The following CERS3 variants were observed in gnomAD, a reference collection of about 807,000 sequenced individuals.
CERS3 encodes the protein ceramide synthase 3.
A neutral mutation model predicts 50.3 loss-of-function variants in CERS3; 33 were observed. The observed-to-expected ratio is 0.66, with a 90% CI of 0.50 to 0.88. The LOEUF (loss-of-function observed/expected upper bound fraction) is 0.88, where lower values mean the gene tolerates loss of function less well. Ranked by LOEUF, CERS3 falls within the 40% of genes least tolerant of loss-of-function variation. The probability of loss-of-function intolerance (pLI) is 0.00; values close to 1 mark genes in which losing one functional copy is unlikely to be tolerated. For missense variants in CERS3, 470 were observed against 460.3 expected (o/e 1.02, Z -0.19); for synonymous variants, 176 against 155.2 (o/e 1.13, Z -0.99).
intron 2 of CERS3, among the ~76,000 whole-genome samples, chr15:100,520,874 G>T (rs149075928): frequency 3.9e-5 from 6 of 152,250 alleles, no homozygotes; most frequent in Non-Finnish European, 7.4e-5. Context: ...ATGAATATCC[G>T]GTTCTTGCAG....
At chr15:100,439,108 A>G (rs749272542) in intron 11 of CERS3, among the ~76,000 whole-genome samples, 1 of 152,204 alleles carries the variant, frequency 6.6e-6, no homozygotes, top group Non-Finnish European at 1.5e-5. Context: ...CTTGTTCTCA[A>G]GCAGCAGGAT....
intron 5 of CERS3, among the ~76,000 whole-genome samples, chr15:100,481,733 G>A (rs971934355): frequency 3.3e-5 from 5 of 152,154 alleles, no homozygotes; most frequent in African/African-American, 4.8e-5. Context: ...TAAAACTTAC[G>A]GAAGTTTGAG....
chr15:100,507,070 T>C (rs900074024), intron 2 of CERS3, among the ~76,000 whole-genome samples: 1 of 152,214 alleles, frequency 6.6e-6, no homozygotes, highest in Non-Finnish European at 1.5e-5. Context: ...TCTTCATTTA[T>C]GGTGCTTAAG....
Position 100,429,867 on chromosome 15 carries a change from G to C in CERS3, c.999+26026C>G, listed in dbSNP as rs73488553. 5.6e-3 allele frequency among the ~76,000 whole-genome samples: 849 copies of C among 151,990 alleles called. 6 individuals are homozygous for C. Among genetic ancestry groups the C allele is most frequent in the African/African-American group, 0.02 (815 of 41,456 alleles). Reference sequence around the variant, plus strand: ...CCCACCACTTTAATCTCCACCAAAAGAAAAGGTGAGCACAATAAATTTAAA... The same window carrying C: ...CCCACCACTTTAATCTCCACCAAAACAAAAGGTGAGCACAATAAATTTAAA... On this transcript the variant is annotated intron_variant, in intron 11 of 11. Coordinates refer to ENST00000679737, the MANE Select transcript of CERS3 (RefSeq NM_001378789.1).
intron 11 of CERS3, among the ~76,000 whole-genome samples, chr15:100,431,598 T>C (rs546981466): frequency 6.6e-6 from 1 of 152,188 alleles, no homozygotes; most frequent in Non-Finnish European, 1.5e-5. Context: ...TTTTAAAAAA[T>C]AGACCCAGTA....
Position 100,494,255 on chromosome 15 carries a change from A to G in CERS3, c.174-3324T>C, listed in dbSNP as rs1188456326. Among the ~76,000 whole-genome samples the G allele has an allele frequency of 6.8e-4, 10 of 14,766 alleles. No individual in the cohort carries two copies. The South Asian group carries it at 0.023, about 33-fold the overall frequency. 9.7% of individuals were successfully genotyped at this position (14,766 alleles called of 152,430 possible). On this transcript the variant is annotated intron_variant, in intron 3 of 11. Transcript: ENST00000679737. Reference sequence around the variant, plus strand: ...TATATATATATATATATATATATATATATTTGTTTTGAGATGGAGTCTTGC... The same window carrying G: ...TATATATATATATATATATATATATGTATTTGTTTTGAGATGGAGTCTTGC...
chr15:100,529,477 T>A (rs1490007875), upstream of CERS3, among the ~76,000 whole-genome samples: 1 of 152,244 alleles, frequency 6.6e-6, no homozygotes, highest in Non-Finnish European at 1.5e-5. Context: ...CAATCTTTTC[T>A]TCTTAGAACA....
chr15:100,457,477 G>GATTGA (rs1434810548), intron 10 of CERS3, among the ~76,000 whole-genome samples: 1 of 152,196 alleles, frequency 6.6e-6, no homozygotes, highest in Non-Finnish European at 1.5e-5. Context: ...ATGCTTTTAA[G>GATTGA]ATTCATTCAG....
In CERS3 at chr15:100,429,247, C is replaced by T. The variant is rs576470286; in HGVS notation, c.1000-26382G>A. On this transcript the variant is annotated intron_variant, in intron 11 of 11. Coordinates refer to ENST00000679737, the MANE Select transcript of CERS3 (RefSeq NM_001378789.1). Reference sequence around the variant, plus strand: ...GGGGGAGCTGGTTTCTATAGCAGTGCTCTCTGCCACTGTGTGGAAATGGCT... The same window carrying T: ...GGGGGAGCTGGTTTCTATAGCAGTGTTCTCTGCCACTGTGTGGAAATGGCT... 1.4e-4 allele frequency among the ~76,000 whole-genome samples: 22 copies of T among 152,300 alleles called. No individual in the cohort carries two copies. In the South Asian group the frequency reaches 4.6e-3, roughly 32 times the overall value.
intron 2 of CERS3, among the ~76,000 whole-genome samples, chr15:100,506,176 T>C (rs2036173120): frequency 1.3e-5 from 2 of 151,632 alleles, no homozygotes. Context: ...TGGAAAAAAA[T>C]ACTTGAAGGT....
chr15:100,539,441 A>G (rs1474974547), intron 1 of CERS3, among the ~76,000 whole-genome samples: 1 of 152,196 alleles, frequency 6.6e-6, no homozygotes, highest in Admixed American at 6.5e-5. Flanking sequence ...TAACTGACTC[A>G]CAGTTTGGCA....
intron 11 of CERS3, among the ~76,000 whole-genome samples, chr15:100,421,704 C>A (rs1056298457): frequency 6.7e-6 from 1 of 149,614 alleles, no homozygotes; most frequent in African/African-American, 2.5e-5. Context: ...CTACAGTAAC[C>A]AAAACAGCAT....
chr15:100,537,435 G>A (rs2037100993), intron 1 of CERS3, among the ~76,000 whole-genome samples: 4 of 152,202 alleles, frequency 2.6e-5, no homozygotes, highest in Non-Finnish European at 4.4e-5. Flanking sequence ...GCTTGAGACT[G>A]GGTAATTTAT....
chr15:100,538,887 C>G (rs1042239809), intron 1 of CERS3, among the ~76,000 whole-genome samples: 1 of 152,174 alleles, frequency 6.6e-6, no homozygotes, highest in Non-Finnish European at 1.5e-5. Flanking sequence ...CTCTGCAATT[C>G]TTTTAAACAT....
At chr15:100,418,294 C>T (rs991095263) in intron 11 of CERS3, among the ~76,000 whole-genome samples, 1 of 151,926 alleles carries the variant, frequency 6.6e-6, no homozygotes, top group African/African-American at 2.4e-5. Context: ...GCAGAAGCCT[C>T]AGAAGCCGAT....
At chr15:100,500,286 G>A (rs2035958266) in intron 3 of CERS3, 3 of 152,174 alleles carry the variant, frequency 2.0e-5, no homozygotes, top group Admixed American at 2.0e-4. Flanking sequence ...ATAGAATAGA[G>A]AATATAGACT....
intron 2 of CERS3, among the ~76,000 whole-genome samples, chr15:100,519,760 T>C (rs542965424): frequency 2.6e-5 from 4 of 152,332 alleles, no homozygotes; most frequent in South Asian, 2.1e-4. Context: ...TTATGGAGCA[T>C]GGAGGTGGAA....
intron 11 of CERS3, among the ~76,000 whole-genome samples, chr15:100,418,032 C>T (rs1447960604): frequency 3.9e-5 from 6 of 152,108 alleles, no homozygotes; most frequent in African/African-American, 7.3e-5. Context: ...ACCTCTCCTC[C>T]TCCAAAGGAA....
At chr15:100,528,548 G>A (rs763137575) in intron 1 of CERS3, among the ~76,000 whole-genome samples, 2 of 152,076 alleles carry the variant, frequency 1.3e-5, no homozygotes, top group African/African-American at 2.4e-5. Context: ...GTTTGGACTC[G>A]AAATTTACCC....
Sources: gnomAD v4.1 joint callset for allele counts (sites outside exome capture counted in the v4.1 genomes callset) on GRCh38, gnomAD v4.1.1 for gene constraint, MANE v1.5 for transcripts, NCBI Gene and HGNC (gene_info 2026-07-23, HGNC 2026-07-21) for gene names.